Variants in TTN observed in about 807,000 individuals in gnomAD.
TTN encodes the protein titin, also known as connectin.
In TTN, 1,525 loss-of-function variants were observed where a neutral mutation model predicts 3,223.0. The observed-to-expected ratio is 0.47, with a 90% CI of 0.45 to 0.49. The LOEUF (loss-of-function observed/expected upper bound fraction) is 0.49. TTN is among the 20% of genes least tolerant of loss of function. The pLI is 0.00. For synonymous variants in TTN, 14,094 were observed against 15,161.0 expected, an observed-to-expected ratio of 0.93 and a Z score of 5.17; for missense variants, 40,786 against 43,424.0, an observed-to-expected ratio of 0.94 and a Z score of 5.40.
Position 178,607,473 on chromosome 2 carries a change from G to T in TTN, c.53215C>A (p.His17739Asn), listed in dbSNP as rs1419607621. The T allele has an allele frequency of 3.7e-6, 6 of 1,613,106 alleles. No homozygotes were observed. Among genetic ancestry groups the T allele is most frequent in the Non-Finnish European group, 5.1e-6 (6 of 1,179,420 alleles). The change falls in exon 277 of 363, where the codon CAT (histidine) becomes AAT (asparagine). Residue 17739 changes from histidine to asparagine, a missense_variant. His to Asn is a moderately conservative substitution (Grantham distance 68). Coordinates refer to ENST00000589042, the MANE Select transcript of TTN (RefSeq NM_001267550.2). Reference protein sequence around the residue: ...LIIKDALRKDHGRYVITATNS... With the variant: ...LIIKDALRKDNGRYVITATNS... ...GTAGCTGTAATCACATATCTGCCAT[G>T]GTCTTTTCGCAGTGCATCCTTGATA...
At chr2:178,799,229 G>T in intron 6 of TTN, 1 of 487,064 alleles carries the variant, frequency 2.1e-6, no homozygotes, top group Non-Finnish European at 3.7e-6. Context: ...ACCCTGACCT[G>T]CCACGCCCAC....
chr2:178,780,136 T>C lies in TTN; in HGVS notation c.3593A>G (p.Gln1198Arg). The C allele has an allele frequency of 6.2e-7, 1 of 1,613,894 alleles. No homozygotes were observed. The highest frequency in any genetic ancestry group is 8.5e-7 in the Non-Finnish European group (1 of 1,179,876). ...TGCTGTTTCTCCAACTTTAGGTTCT[T>C]GAACAAATGCAGTCACTTGTGTCTG... ...LYQTQVTAFV[Q>R]EPKVGETAPG... Residue 1198 changes from glutamine (Q) to arginine (R), a missense_variant, in exon 22 of 363, where the codon CAA (glutamine) becomes CGA (arginine). Gln to Arg is a conservative substitution (Grantham distance 43, BLOSUM62 1). Coordinates refer to ENST00000589042, the MANE Select transcript of TTN (RefSeq NM_001267550.2).
chr2:178,784,187 T>A lies in TTN; in HGVS notation c.2658A>T (p.Thr886=). The A allele has an allele frequency of 6.2e-7, 1 of 1,614,168 alleles. No homozygotes were observed. Among genetic ancestry groups the A allele is most frequent in the Admixed American group, 1.7e-5 (1 of 60,030 alleles). Residue 886 remains threonine (T), a synonymous_variant, in exon 16 of 363, where the codon ACA becomes ACT. Transcript: ENST00000589042. The part of the protein sequence containing the change: ...TPLPQFPFAD[T]PDTYKSEAGV... ...CAGCTTCACTCTTGTAAGTATCTGGTGTGTCAGCGAAGGGGAACTGTGGCA... is the reference window on the plus strand; with the variant it reads ...CAGCTTCACTCTTGTAAGTATCTGGAGTGTCAGCGAAGGGGAACTGTGGCA...
At chr2:178,745,444 A>G (rs1407361592) in intron 47 of TTN, 1 of 1,471,308 alleles carries the variant, frequency 6.8e-7, no homozygotes, top group Non-Finnish European at 9.0e-7. Flanking sequence ...CTACATAGAG[A>G]TTATTTCTTT....
Position 178,532,613 on chromosome 2 carries a change from CA to C in TTN, c.104001del (p.Ile34667MetfsTer5). On this transcript the variant is annotated frameshift_variant, in exon 358 of 363. Transcript: ENST00000589042. LOFTEE classifies it high-confidence loss of function. ...GTTCTTTTCATTGCTAAGTAGTCAT[CA>C]ATGGGGAGGAGTAATTCTTCATCAG... is the stretch of plus-strand genomic sequence containing the variant. Reference protein sequence around the residue: ...DISDEELLLPIDDYLAMKRTE... With the variant: ...DISDEELLLPXDDYLAMKRTE... 1 of 1,613,936 alleles carries C rather than the reference CA, an allele frequency of 6.2e-7. No individual in the cohort carries two copies.
In TTN at chr2:178,587,700, G is replaced by A. The variant is rs774991215; in HGVS notation, c.63609C>T (p.Ala21203=). The A allele has an allele frequency of 1.9e-6, 3 of 1,612,856 alleles. No homozygotes were observed. The African/African-American group carries it at 4.0e-5, about 22-fold the overall frequency. ...RLFAIVRGRP[A]PKVTWRKVGI... ...CAACTTTTCGCCAAGTGACTTTAGG[G>A]GCTGGTCGTCCTCTCACTATAGCAA... Residue 21203 remains alanine (A), a synonymous_variant, in exon 306 of 363, where the codon GCC becomes GCT. Transcript: ENST00000589042.
rs114464049 is a variant in TTN at position 178,585,454 on chromosome 2, T to A, written c.64397-107A>T. Reference sequence around the variant, plus strand: ...TGCTTGTATTACCACCAATTTTTTTTAATATATACTTTAAGTTCTGGGATA... The same window carrying A: ...TGCTTGTATTACCACCAATTTTTTTAAATATATACTTTAAGTTCTGGGATA... On this transcript the variant is annotated intron_variant, in intron 308 of 362. Transcript: ENST00000589042. The A allele has an allele frequency of 1.0e-3, 1,252 of 1,219,172 alleles. 2 individuals are homozygous for A. The highest frequency in any genetic ancestry group is 1.8e-3 in the Admixed American group (71 of 40,202). 75.5% of individuals were successfully genotyped at this position (1,219,172 alleles called of 1,614,324 possible).
intron 20 of TTN, 150 bp from the exon 21 acceptor site, chr2:178,781,413 G>T (rs941572970): frequency 4.6e-6 from 4 of 868,236 alleles, no homozygotes; most frequent in Non-Finnish European, 7.1e-6. Flanking sequence ...TAAGATTGCT[G>T]AAAATTGAGA....
rs766345490 is a variant in TTN, at chr2:178,664,901, A to T, written c.36069T>A (p.Ile12023=). The T allele has an allele frequency of 3.1e-6, 5 of 1,610,252 alleles. No homozygotes were observed. The highest frequency in any genetic ancestry group is 4.2e-6 in the Non-Finnish European group (5 of 1,179,000). ...MKTPEAPQEI[I]PAKTVPSKKR... ...TTTTGGAAGGAACTGTCTTGGCAGG[A>T]ATAATTTCTTGAGGAGCTTCGGGCG... The change falls in exon 166 of 363, where the codon ATT becomes ATA. Residue 12023 remains isoleucine, a synonymous_variant. Coordinates refer to ENST00000589042, the MANE Select transcript of TTN (RefSeq NM_001267550.2).
At chr2:178,685,629 A>C in intron 127 of TTN, 31 bp from the exon 128 acceptor site, 3 of 1,596,654 alleles carry the variant, frequency 1.9e-6, no homozygotes, top group Non-Finnish European at 2.6e-6. Flanking sequence ...AAGAAGATAA[A>C]TTACAGTGTT....
chr2:178,581,305 C>G (rs182735393), intron 316 of TTN, among the ~76,000 whole-genome samples, 194 bp downstream of exon 316: 39 of 152,116 alleles, frequency 2.6e-4, no homozygotes, highest in African/African-American at 9.1e-4. Flanking sequence ...CTTTTCAAAA[C>G]CACAAATCAT....
At position 178,617,951 on chromosome 2, in the gene TTN, C is replaced by G. The variant is rs114145817; in HGVS notation, c.47400G>C (p.Lys15800Asn). The G allele has an allele frequency of 1.4e-5, 22 of 1,612,642 alleles. No individual in the cohort carries two copies. Among genetic ancestry groups the G allele is most frequent in the Non-Finnish European group, 1.6e-5 (19 of 1,179,112 alleles). ...ITNYVIELRD[K>N]TSIRWDTAMT... Reference sequence around the variant, plus strand: ...TGGCAGTATCCCACCTGATAGAAGTCTTGTCTCTTAATTCAATGACGTAGT... The same window carrying G: ...TGGCAGTATCCCACCTGATAGAAGTGTTGTCTCTTAATTCAATGACGTAGT... The change falls in exon 253 of 363, where the codon AAG (lysine) becomes AAC (asparagine). Residue 15800 changes from lysine to asparagine, a missense_variant. By Grantham distance (94) the Lys-to-Asn change is moderately conservative (BLOSUM62 0). Coordinates refer to ENST00000589042, the MANE Select transcript of TTN (RefSeq NM_001267550.2).
intron 47 of TTN, chr2:178,746,555 A>G: frequency 3.1e-6 from 5 of 1,613,196 alleles, no homozygotes; most frequent in Non-Finnish European, 4.2e-6. Flanking sequence ...TGGAGGTGGT[A>G]GTGCCACCAC....
Position 178,782,427 on chromosome 2 carries a change from G to A in TTN, c.3165C>T (p.Arg1055=), listed in dbSNP as rs746636600. Residue 1055 remains arginine, a splice_region_variant and synonymous_variant, in exon 20 of 363, where the codon CGC becomes CGT. Transcript: ENST00000589042. ...TAACCACATCTCTTGACTCAACAAA[G>A]CTGGAAAGAGAATTCCCCTCATATT... ...VTEKFTTEEK[R]FVESRDVVMT... is the part of the protein sequence containing the mutation. 1.2e-6 allele frequency: 2 copies of A among 1,613,952 alleles called. No individual in the cohort carries two copies. The highest frequency in any genetic ancestry group is 1.3e-5 in the African/African-American group (1 of 74,900).
In TTN at chr2:178,701,131, T is replaced by G; in HGVS notation, c.30671A>C (p.Lys10224Thr). The change falls in exon 111 of 363, where the codon AAA becomes ACA. Residue 10224 changes from lysine to threonine, a missense_variant. Lys to Thr is a moderately conservative substitution (Grantham distance 78). Transcript: ENST00000589042. Reference protein sequence around the residue: ...PTPEEKKPPPKRIEVTKKAVK... With the variant: ...PTPEEKKPPPTRIEVTKKAVK... ...ATGAGGTATAATACCTTCAATACGT[T>G]TTGGTGGTGGTTTCTTTTCTTCGGG... 1 of 1,613,618 alleles carries G rather than the reference T, an allele frequency of 6.2e-7. No individual in the cohort carries two copies. The highest frequency in any genetic ancestry group is 2.2e-5 in the East Asian group (1 of 44,850).
rs750688079 is a variant in TTN at position 178,571,400 on chromosome 2, G to A, written c.74732C>T (p.Pro24911Leu). 1.9e-6 allele frequency: 3 copies of A among 1,613,408 alleles called. No individual in the cohort carries two copies. The highest frequency in any genetic ancestry group is 3.3e-5 in the Admixed American group (2 of 59,986). The stretch of plus-strand genomic sequence containing the variant: ...CAGTGTGACAACTGGAGTGCCAGGA[G>A]GACCAGGAACTTTGAATGGATATTG... The part of the protein sequence containing the change: ...VAQYPFKVPG[P>L]PGTPVVTLSS... Residue 24911 changes from proline to leucine, a missense_variant, in exon 326 of 363, where the codon CCT becomes CTT. By Grantham distance (98) the Pro-to-Leu change is moderately conservative. Coordinates refer to ENST00000589042, the MANE Select transcript of TTN (RefSeq NM_001267550.2).
chr2:178,570,162 C>A lies in TTN; in HGVS notation c.75970G>T (p.Val25324Leu). 6.2e-7 allele frequency: 1 copy of A among 1,613,524 alleles called. No individual in the cohort carries two copies. The highest frequency in any genetic ancestry group is 8.5e-7 in the Non-Finnish European group (1 of 1,179,616). The part of the protein sequence containing the change: ...TTVTKDSMIV[V>L]WERPASDGGS... ...CCATCAGATGCTGGTCTTTCCCATACAACAATCATTGAGTCCTTGGTCACT... is the reference window on the plus strand; with the variant it reads ...CCATCAGATGCTGGTCTTTCCCATAAAACAATCATTGAGTCCTTGGTCACT... Residue 25324 changes from valine (V) to leucine (L), a missense_variant, in exon 326 of 363, where the codon GTA becomes TTA. Coordinates refer to ENST00000589042, the MANE Select transcript of TTN (RefSeq NM_001267550.2).
At chr2:178,783,609 C>T (rs2092956402) in intron 17 of TTN, 111 bp downstream of exon 17, 6 of 961,662 alleles carry the variant, frequency 6.2e-6, no homozygotes, top group Non-Finnish European at 9.8e-6. Flanking sequence ...CATCTGTAAG[C>T]TCACTAATGT....
At chr2:178,787,576 C>A (rs2093267678) in intron 13 of TTN, among the ~76,000 whole-genome samples, 1 of 152,050 alleles carries the variant, frequency 6.6e-6, no homozygotes, top group African/African-American at 2.4e-5. Flanking sequence ...AACCTTTTAG[C>A]CAGTCTGCTA....
Sources: allele counts gnomAD v4.1 joint callset (sites outside exome capture counted in the v4.1 genomes callset), GRCh38; gene constraint gnomAD v4.1.1; transcripts MANE v1.5; gene names NCBI Gene and HGNC (gene_info 2026-07-23, HGNC 2026-07-21).